Variants in COL5A1 observed in about 807,000 individuals in gnomAD.
COL5A1 encodes collagen alpha-1(V) chain.
Under a neutral mutation model 263.7 loss-of-function variants are expected in COL5A1, and 16 were observed. The observed-to-expected ratio is 0.06, with a 90% confidence interval of 0.04 to 0.09. The LOEUF (loss-of-function observed/expected upper bound fraction) is 0.09, where lower values mean the gene tolerates loss of function less well. COL5A1 is among the 10% of genes least tolerant of loss of function. The probability of loss-of-function intolerance (pLI) is 1.00; values close to 1 mark genes in which losing one functional copy is unlikely to be tolerated. For missense variants in COL5A1, 2,036 were observed against 2,540.5 expected, an observed-to-expected ratio of 0.80 and a Z score of 4.27; for synonymous variants, 1,012 against 1,004.5, an observed-to-expected ratio of 1.01 and a Z score of -0.14.
chr9:134,823,105 AACAAACT>A, intron 60 of COL5A1, 72 bp downstream of exon 60: 1 of 1,534,748 alleles, frequency 6.5e-7, no homozygotes, highest in Non-Finnish European at 9.0e-7. Context: ...CTGGCACGGG[AACAAACT>A]ACCCAGACAA....
chr9:134,842,459 C>T lies in COL5A1; in HGVS notation c.*156C>T, dbSNP rs1830136602. ...CGCCTCGGCACCACGGGGTGTGGGA[C>T]CCCAGCCCGGAGAGAACAGAGGGAA... On this transcript the variant is annotated 3_prime_UTR_variant, in exon 66 of 66. Transcript: ENST00000371817. The surrounding 1 kb of genome is among the most constrained non-coding windows in gnomAD (Gnocchi z 5.8). The T allele has an allele frequency of 1.2e-5, 11 of 892,282 alleles. No individual in the cohort carries two copies. In the East Asian group the frequency reaches 2.9e-4, roughly 24 times the overall value. The allele number at this position is 892,282 out of a possible 1,614,324, so 55.3% of individuals were successfully genotyped here.
intron 63 of COL5A1, among the ~76,000 whole-genome samples, chr9:134,826,712 T>G (rs1374813449): frequency 6.9e-5 from 5 of 72,558 alleles, no homozygotes; most frequent in Non-Finnish European, 1.4e-4. Flanking sequence ...TATGTGGGGG[T>G]GTGTGGGTGG....
intron 19 of COL5A1, among the ~76,000 whole-genome samples, chr9:134,762,315 C>T (rs373320977): frequency 2.0e-5 from 3 of 152,310 alleles, no homozygotes; most frequent in East Asian, 3.9e-4. Context: ...CTGAGCTCAG[C>T]GTCTCTGCTT....
rs943030077 is a variant in COL5A1 at position 134,805,031 on chromosome 9, T to C, written c.3171T>C (p.Gly1057=). 3.1e-6 allele frequency: 5 copies of C among 1,613,916 alleles called. No individual in the cohort carries two copies. The highest frequency in any genetic ancestry group is 8.5e-7 in the Non-Finnish European group (1 of 1,180,010). Reference sequence around the variant, plus strand: ...AAGATGGCCCTCCAGGATTACGTGGTTTCCCTGGGGACCGAGGGCTTCCTG... The same window carrying C: ...AAGATGGCCCTCCAGGATTACGTGGCTTCCCTGGGGACCGAGGGCTTCCTG... ...PGKDGPPGLR[G]FPGDRGLPGP... The change falls in exon 40 of 66, where the codon GGT becomes GGC. Residue 1057 remains glycine, a synonymous_variant. Transcript: ENST00000371817.
At chr9:134,708,428 G>T (rs763337764) in intron 4 of COL5A1, 33 of 410,360 alleles carry the variant, frequency 8.0e-5, no homozygotes, top group East Asian at 3.0e-4. Flanking sequence ...CCGGGGTGGG[G>T]GCTCTGGTGC....
intron 64 of COL5A1, 25 bp downstream of exon 64, chr9:134,830,069 C>T (rs892133957): frequency 5.6e-5 from 91 of 1,613,482 alleles, no homozygotes; most frequent in East Asian, 1.6e-4. Context: ...GGCGTCTTTG[C>T]GGTTGTCACT....
At chr9:134,679,405 AG>A (rs1832773857) in intron 1 of COL5A1, among the ~76,000 whole-genome samples, 2 of 15,842 alleles carry the variant, frequency 1.3e-4, no homozygotes, top group African/African-American at 4.7e-4. Context: ...GGGGCTTCTT[AG>A]GGGGCACTGT....
At position 134,796,949 on chromosome 9, in the gene COL5A1, AACCC is replaced by A. The variant is rs776671738; in HGVS notation, c.2898+52_2898+55del. ...GGCCAGCACTGCCTGTCCCCTCCAA[AACCC>A]ACCTGTCCCCTCCAAAACCCGCCTG... On this transcript the variant is annotated intron_variant, in intron 36 of 65. Coordinates refer to ENST00000371817, the MANE Select transcript of COL5A1 (RefSeq NM_000093.5). The A allele has an allele frequency of 1.9e-4, 50 of 265,076 alleles. No individual in the cohort carries two copies. The African/African-American group carries it at 0.011, about 60-fold the overall frequency. 16.4% of individuals were successfully genotyped at this position (265,076 alleles called of 1,614,324 possible). A position where few individuals can be genotyped will look rare whatever the true frequency, so the allele number is the denominator to read the frequency against.
At chr9:134,719,012 C>A (rs540212606) in intron 4 of COL5A1, among the ~76,000 whole-genome samples, 154 of 152,260 alleles carry the variant, frequency 1.0e-3, no homozygotes, top group Middle Eastern at 3.4e-3. Context: ...AGGCGGTGCA[C>A]GCTGAGGATA....
intron 4 of COL5A1, among the ~76,000 whole-genome samples, chr9:134,702,841 G>A (rs1024975580): frequency 2.0e-5 from 3 of 152,236 alleles, no homozygotes; most frequent in Admixed American, 6.5e-5. Context: ...GTCTCCGTCT[G>A]TAAAATGGGA....
chr9:134,811,780 G>C (rs753188247), intron 46 of COL5A1, among the ~76,000 whole-genome samples, 181 bp downstream of exon 46: 2 of 152,184 alleles, frequency 1.3e-5, no homozygotes, highest in African/African-American at 4.8e-5. Context: ...AGACATGCCC[G>C]CATTTACCAC....
intron 13 of COL5A1, among the ~76,000 whole-genome samples, chr9:134,751,426 C>T (rs772577002): frequency 7.2e-5 from 11 of 152,224 alleles, no homozygotes; most frequent in Admixed American, 2.6e-4. Flanking sequence ...AGAAGTGGAG[C>T]CGGAAACCCA....
intron 4 of COL5A1, among the ~76,000 whole-genome samples, chr9:134,702,715 G>C (rs1833716214): frequency 6.6e-6 from 1 of 152,230 alleles, no homozygotes; most frequent in Non-Finnish European, 1.5e-5. Flanking sequence ...ACCACGTAGT[G>C]TCACTGTGAA....
chr9:134,819,189 C>G, intron 57 of COL5A1, 136 bp downstream of exon 57: 1 of 959,024 alleles, frequency 1.0e-6, no homozygotes, highest in Non-Finnish European at 1.6e-6. Context: ...GGTGGGGAAC[C>G]TGAGGGGTGA....
intron 4 of COL5A1, among the ~76,000 whole-genome samples, chr9:134,711,286 G>A (rs1341077571): frequency 6.6e-6 from 1 of 152,078 alleles, no homozygotes; most frequent in Non-Finnish European, 1.5e-5. Flanking sequence ...AGGTGGTCAG[G>A]CCGGTGACAC....
At chr9:134,807,676 C>G (rs1465763324) in intron 42 of COL5A1, among the ~76,000 whole-genome samples, 1 of 152,188 alleles carries the variant, frequency 6.6e-6, no homozygotes, top group African/African-American at 2.4e-5. Flanking sequence ...CAGGAACTTC[C>G]CTGGAAACCA....
At chr9:134,787,537 C>T (rs1337897834) in intron 31 of COL5A1, among the ~76,000 whole-genome samples, 3 of 152,200 alleles carry the variant, frequency 2.0e-5, no homozygotes, top group African/African-American at 2.4e-5. Context: ...GGCAGCTGAG[C>T]GACCTCACTG....
intron 4 of COL5A1, among the ~76,000 whole-genome samples, chr9:134,703,976 T>G (rs778976094): frequency 1.3e-5 from 2 of 152,156 alleles, no homozygotes; most frequent in South Asian, 4.1e-4. Context: ...CTCTTTTTTG[T>G]GCTGTGTCAA....
At chr9:134,727,046 C>CAGAT (rs1286990955) in intron 4 of COL5A1, among the ~76,000 whole-genome samples, 2 of 103,144 alleles carry the variant, frequency 1.9e-5, no homozygotes, top group South Asian at 3.1e-4. Context: ...GATGAGTGAA[C>CAGAT]GGATGGATGG....
Sources: allele counts gnomAD v4.1 joint callset (sites outside exome capture counted in the v4.1 genomes callset), GRCh38; gene constraint gnomAD v4.1.1; non-coding constraint Gnocchi (gnomAD v3.1); transcripts MANE v1.5; gene names NCBI Gene and HGNC (gene_info 2026-07-23, HGNC 2026-07-21).